The following DNAH11 variants were observed in gnomAD, a reference collection of about 807,000 sequenced individuals.
DNAH11 encodes axonemal beta dynein heavy chain 11.
In DNAH11, 442 loss-of-function variants were observed where a neutral mutation model predicts 526.0. That is an observed-to-expected ratio of 0.84 (90% CI 0.78 to 0.91). The LOEUF (loss-of-function observed/expected upper bound fraction) is 0.91. DNAH11 is among the 40% of genes least tolerant of loss of function. DNAH11 has a pLI of 0.00. For synonymous variants in DNAH11, 2,461 were observed against 1,935.9 expected, an observed-to-expected ratio of 1.27 and a Z score of -7.12; for missense variants, 6,989 against 5,448.7, an observed-to-expected ratio of 1.28 and a Z score of -8.90.
intron 61 of DNAH11, among the ~76,000 whole-genome samples, chr7:21,799,764 T>C (rs572795630): frequency 6.6e-6 from 1 of 152,374 alleles, no homozygotes; most frequent in African/African-American, 2.4e-5. Flanking sequence ...CATATTGCTT[T>C]AGCAATATAA....
chr7:21,631,709 C>T (rs995381296), intron 25 of DNAH11, among the ~76,000 whole-genome samples: 6 of 152,316 alleles, frequency 3.9e-5, no homozygotes, highest in Middle Eastern at 3.4e-3. Flanking sequence ...TTGGGCAGCT[C>T]CGCCTCTGTG....
At chr7:21,631,457 C>T (rs1276462273) in intron 25 of DNAH11, among the ~76,000 whole-genome samples, 1 of 152,192 alleles carries the variant, frequency 6.6e-6, no homozygotes, top group Admixed American at 6.5e-5. Context: ...CAAGTCCCTT[C>T]CACATATGAG....
chr7:21,581,583 A>T (rs902589070), intron 8 of DNAH11, among the ~76,000 whole-genome samples: 4 of 152,154 alleles, frequency 2.6e-5, no homozygotes, highest in African/African-American at 9.7e-5. Context: ...ATCAAAATGA[A>T]TTGGGAGTAG....
chr7:21,826,627 G>A (rs1483787626), intron 65 of DNAH11, among the ~76,000 whole-genome samples: 1 of 150,458 alleles, frequency 6.6e-6, no homozygotes, highest in Non-Finnish European at 1.5e-5. Flanking sequence ...GACTATCTCT[G>A]TGTAACCTGT....
chr7:21,874,672 C>T (rs1336223624), intron 74 of DNAH11, among the ~76,000 whole-genome samples: 2 of 151,708 alleles, frequency 1.3e-5, no homozygotes, highest in Admixed American at 6.6e-5. Context: ...TACATAAATA[C>T]ATACGTATAT....
chr7:21,730,410 C>A (rs1054036616), intron 45 of DNAH11, among the ~76,000 whole-genome samples: 9 of 152,144 alleles, frequency 5.9e-5, no homozygotes, highest in African/African-American at 2.2e-4. Context: ...AATGCTCAAC[C>A]AGTAAGTATA....
intron 20 of DNAH11, among the ~76,000 whole-genome samples, chr7:21,614,772 A>T (rs1477385226): frequency 6.6e-6 from 1 of 152,168 alleles, no homozygotes; most frequent in Non-Finnish European, 1.5e-5. Flanking sequence ...AAGTTTCTAG[A>T]GCCCCACCTT....
chr7:21,638,004 C>T (rs1047172985), intron 27 of DNAH11, among the ~76,000 whole-genome samples: 1 of 150,136 alleles, frequency 6.7e-6, no homozygotes, highest in Non-Finnish European at 1.5e-5. Flanking sequence ...TCAGACTATC[C>T]TGTAAATATT....
chr7:21,617,833 T>C (rs1266020172), intron 23 of DNAH11, 56 bp downstream of exon 23: 10 of 1,473,686 alleles, frequency 6.8e-6, no homozygotes. Flanking sequence ...GTGTTACTTC[T>C]TGGTTTGCAT....
chr7:21,818,476 A>G, intron 65 of DNAH11, 137 bp downstream of exon 65: 1 of 852,576 alleles, frequency 1.2e-6, no homozygotes, highest in South Asian at 1.9e-5. Flanking sequence ...CCTACACTCC[A>G]AGACCAAAGC....
intron 28 of DNAH11, among the ~76,000 whole-genome samples, chr7:21,655,157 T>C (rs1781961884): frequency 6.6e-6 from 1 of 151,538 alleles, no homozygotes; most frequent in South Asian, 2.1e-4. Context: ...ACTTAGGATG[T>C]AAGAGGTTAT....
chr7:21,856,096 GA>G (rs1782836766), intron 68 of DNAH11, among the ~76,000 whole-genome samples: 1 of 152,182 alleles, frequency 6.6e-6, no homozygotes, highest in African/African-American at 2.4e-5. Flanking sequence ...GCAGGGTAAT[GA>G]GCAAGGGGAA....
At chr7:21,742,776 A>G (rs1035928106) in intron 49 of DNAH11, among the ~76,000 whole-genome samples, 7 of 152,314 alleles carry the variant, frequency 4.6e-5, no homozygotes, top group East Asian at 3.9e-4. Flanking sequence ...CATTTCATCA[A>G]TGAGAACGGT....
At chr7:21,643,481 A>G (rs1260246561) in intron 28 of DNAH11, among the ~76,000 whole-genome samples, 4 of 151,606 alleles carry the variant, frequency 2.6e-5, no homozygotes, top group African/African-American at 9.7e-5. Context: ...CTAAAGAAAG[A>G]CTCACTGTCA....
At chr7:21,632,736 T>C (rs1003707062) in intron 25 of DNAH11, among the ~76,000 whole-genome samples, 5 of 152,182 alleles carry the variant, frequency 3.3e-5, no homozygotes, top group Non-Finnish European at 7.3e-5. Context: ...TTCAAGTCTC[T>C]AGGGAGTTCC....
intron 45 of DNAH11, among the ~76,000 whole-genome samples, chr7:21,728,848 C>A (rs1237326202): frequency 1.3e-5 from 2 of 152,226 alleles, no homozygotes; most frequent in Non-Finnish European, 2.9e-5. Context: ...CTTAGCAGAG[C>A]AAATTCCTTT....
At chr7:21,589,513 G>A in intron 12 of DNAH11, 110 bp downstream of exon 12, 1 of 915,740 alleles carries the variant, frequency 1.1e-6, no homozygotes, top group Non-Finnish European at 1.6e-6. Context: ...TCAGAGTTGT[G>A]AGGACTGTAA....
At chr7:21,601,781 A>G (rs1274638827) in intron 18 of DNAH11, among the ~76,000 whole-genome samples, 163 bp downstream of exon 18, 1 of 152,094 alleles carries the variant, frequency 6.6e-6, no homozygotes, top group African/African-American at 2.4e-5. Flanking sequence ...AGGAGATTTA[A>G]TAACTTTCTC....
intron 74 of DNAH11, among the ~76,000 whole-genome samples, chr7:21,878,463 C>T (rs1783798092): frequency 6.6e-6 from 1 of 152,134 alleles, no homozygotes; most frequent in Non-Finnish European, 1.5e-5. Context: ...CTAGAAATTT[C>T]TCACATTTAA....
Sources: allele counts gnomAD v4.1 joint callset (sites outside exome capture counted in the v4.1 genomes callset), GRCh38; gene constraint gnomAD v4.1.1; transcripts MANE v1.5; gene names NCBI Gene and HGNC (gene_info 2026-07-23, HGNC 2026-07-21).